The following NRP1 variants were observed in gnomAD, a reference collection of about 807,000 sequenced individuals.
NRP1 encodes neuropilin-1.
A neutral mutation model predicts 106.7 loss-of-function variants in NRP1; 35 were observed. The observed-to-expected ratio is 0.33, with a 90% CI of 0.25 to 0.43. The LOEUF (loss-of-function observed/expected upper bound fraction) is 0.43. Ranked by LOEUF, NRP1 falls within the 20% of genes least tolerant of loss-of-function variation. NRP1 has a pLI of 1.00. For missense variants in NRP1, 1,024 were observed against 1,170.4 expected, an observed-to-expected ratio of 0.87 and a Z score of 1.83; for synonymous variants, 437 against 417.9, an observed-to-expected ratio of 1.05 and a Z score of -0.56.
At chr10:33,264,526 A>G (rs139114433) in intron 3 of NRP1, among the ~76,000 whole-genome samples, 58 of 152,358 alleles carry the variant, frequency 3.8e-4, no homozygotes, top group African/African-American at 1.4e-3. Context: ...CCTGATATCA[A>G]TGCTGACATC....
intron 6 of NRP1, among the ~76,000 whole-genome samples, chr10:33,239,224 G>T (rs1229284663): frequency 6.6e-6 from 1 of 151,890 alleles, no homozygotes; most frequent in Non-Finnish European, 1.5e-5. Context: ...GGAGGTCGAT[G>T]CTGCAGTGAG....
At chr10:33,192,214 C>A in intron 13 of NRP1, 67 bp downstream of exon 13, 1 of 1,545,416 alleles carries the variant, frequency 6.5e-7, no homozygotes, top group Non-Finnish European at 8.8e-7. Flanking sequence ...GAAACCCTCC[C>A]AGTAACACAG....
intron 13 of NRP1, among the ~76,000 whole-genome samples, chr10:33,188,910 A>AT (rs1836206526): frequency 9.0e-6 from 1 of 111,358 alleles, no homozygotes; most frequent in Admixed American, 8.6e-5. Context: ...CCCTGTCTTA[A>AT]ATATATATAT....
chr10:33,320,305 C>T (rs1201548114), intron 2 of NRP1, among the ~76,000 whole-genome samples: 6 of 150,386 alleles, frequency 4.0e-5, no homozygotes, highest in African/African-American at 1.5e-4. Flanking sequence ...GAGCAATACT[C>T]CGTCTTTAAA....
intron 6 of NRP1, among the ~76,000 whole-genome samples, chr10:33,240,202 G>GAC (rs1840908129): frequency 6.6e-6 from 1 of 152,034 alleles, no homozygotes; most frequent in East Asian, 1.9e-4. Flanking sequence ...CACACACACA[G>GAC]ACACACACAC....
At chr10:33,301,772 C>G (rs1033847864) in intron 2 of NRP1, among the ~76,000 whole-genome samples, 2 of 152,064 alleles carry the variant, frequency 1.3e-5, no homozygotes, top group Non-Finnish European at 2.9e-5. Flanking sequence ...AAAAATTGTT[C>G]CTTTCATAAT....
chr10:33,190,967 C>T (rs1027924071), intron 13 of NRP1, among the ~76,000 whole-genome samples: 38 of 152,244 alleles, frequency 2.5e-4, no homozygotes, highest in African/African-American at 8.9e-4. Flanking sequence ...GATCCTAAAA[C>T]AGACTCTGAG....
chr10:33,284,735 T>G (rs1844392481), intron 2 of NRP1, among the ~76,000 whole-genome samples: 1 of 152,210 alleles, frequency 6.6e-6, no homozygotes. Context: ...GTTCTTTTCA[T>G]GAATATTCAC....
intron 16 of NRP1, 110 bp from the exon 17 acceptor site, chr10:33,180,475 G>T: frequency 9.1e-7 from 1 of 1,099,276 alleles, no homozygotes; most frequent in Non-Finnish European, 1.3e-6. Context: ...CCCCAGTTTT[G>T]CCTGTCATAT....
chr10:33,317,197 G>A (rs1847100643), intron 2 of NRP1, among the ~76,000 whole-genome samples: 1 of 152,234 alleles, frequency 6.6e-6, no homozygotes, highest in Non-Finnish European at 1.5e-5. Flanking sequence ...TGCTTTTGAA[G>A]AGTTGCAGAT....
At chr10:33,282,525 T>G (rs1844214697) in intron 2 of NRP1, among the ~76,000 whole-genome samples, 1 of 152,166 alleles carries the variant, frequency 6.6e-6, no homozygotes, top group Non-Finnish European at 1.5e-5. Flanking sequence ...AATTCTTATT[T>G]TTTAAAGTTT....
intron 13 of NRP1, among the ~76,000 whole-genome samples, chr10:33,186,779 C>A (rs1357268393): frequency 2.6e-5 from 4 of 152,196 alleles, no homozygotes. Flanking sequence ...CTCAAGCTGG[C>A]ATTTGCACCA....
chr10:33,264,327 C>T (rs962097077), intron 3 of NRP1, among the ~76,000 whole-genome samples: 1 of 152,190 alleles, frequency 6.6e-6, no homozygotes, highest in Non-Finnish European at 1.5e-5. Flanking sequence ...GATTCCTACA[C>T]CAGTGACTCA....
chr10:33,186,182 C>G, intron 14 of NRP1, 35 bp downstream of exon 14: 1 of 1,544,902 alleles, frequency 6.5e-7, no homozygotes, highest in Non-Finnish European at 8.7e-7. Flanking sequence ...ATTCCTGCAG[C>G]CACTGCCCTC....
At chr10:33,212,985 A>G (rs1436638447) in intron 9 of NRP1, 3 of 502,460 alleles carry the variant, frequency 6.0e-6, no homozygotes, top group Non-Finnish European at 1.1e-5. Flanking sequence ...ATAAAAATTT[A>G]TAAAAGAAAC....
rs371064398 is a variant in NRP1, at chr10:33,213,503, G to T, written c.1497C>A (p.Ile499=). The stretch of plus-strand genomic sequence containing the variant: ...TCTCTCGGTGCTTCCCACCCTGAAT[G>T]ATGATGCCCCTCACGATCTTCTCCT... ...LGEEKIVRGI[I]IQGGKHRENK... Residue 499 remains isoleucine, a synonymous_variant, in exon 9 of 17, where the codon ATC becomes ATA. Transcript: ENST00000374867. 328 of 1,613,972 alleles carry T rather than the reference G, an allele frequency of 2.0e-4. 1 individual carries two copies. Among genetic ancestry groups the T allele is most frequent in the South Asian group, 5.3e-4 (48 of 91,052 alleles).
At chr10:33,188,919 A>ATATATATATATG (rs1360892779) in intron 13 of NRP1, among the ~76,000 whole-genome samples, 2 of 140,108 alleles carry the variant, frequency 1.4e-5, no homozygotes, top group Non-Finnish European at 3.0e-5. Flanking sequence ...AAATATATAT[A>ATATATATATATG]TATATATATA....
chr10:33,235,001 G>A (rs1357548451), intron 6 of NRP1, among the ~76,000 whole-genome samples: 1 of 152,130 alleles, frequency 6.6e-6, no homozygotes, highest in Admixed American at 6.5e-5. Context: ...CCCACACAAG[G>A]GCTGACCTCC....
At chr10:33,303,334 C>T (rs1301632875) in intron 2 of NRP1, among the ~76,000 whole-genome samples, 1 of 152,272 alleles carries the variant, frequency 6.6e-6, no homozygotes, top group African/African-American at 2.4e-5. Flanking sequence ...GAATTCTTAT[C>T]GTAGATTTCT....
Sources: gnomAD v4.1 joint callset for allele counts (sites outside exome capture counted in the v4.1 genomes callset) on GRCh38, gnomAD v4.1.1 for gene constraint, MANE v1.5 for transcripts, NCBI Gene and HGNC (gene_info 2026-07-23, HGNC 2026-07-21) for gene names.